Variants in TASP1 observed in about 807,000 individuals in gnomAD.
The protein encoded by TASP1 is taspase 1, also known as threonine aspartase 1.
In TASP1, 16 loss-of-function variants were observed where a neutral mutation model predicts 56.6. The observed-to-expected ratio is 0.28, with a 90% CI of 0.19 to 0.43. The LOEUF (loss-of-function observed/expected upper bound fraction) is 0.43. Among genes scored for constraint, TASP1 ranks in the 20% least tolerant of loss-of-function variants. The pLI is 1.00. For synonymous variants in TASP1, 179 were observed against 184.2 expected, an observed-to-expected ratio of 0.97 and a Z score of 0.23; for missense variants, 393 against 511.6, an observed-to-expected ratio of 0.77 and a Z score of 2.24.
chr20:13,304,035 C>A, the TASP1 span, among the ~76,000 whole-genome samples: 1 of 152,200 alleles, frequency 6.6e-6, no homozygotes, highest in Non-Finnish European at 1.5e-5. Context: ...GGCTCTGCCA[C>A]CATCAAGGTA....
At chr20:13,458,197 C>T (rs1014700937) in intron 11 of TASP1, among the ~76,000 whole-genome samples, 3 of 152,052 alleles carry the variant, frequency 2.0e-5, no homozygotes, top group Admixed American at 2.0e-4. Context: ...CAAAACCGCA[C>T]ACTTATTTTA....
At chr20:13,133,811 C>A in the TASP1 span, among the ~76,000 whole-genome samples, 1 of 152,280 alleles carries the variant, frequency 6.6e-6, no homozygotes, top group East Asian at 1.9e-4. Flanking sequence ...GACAGGAGAA[C>A]TGCCACCACT....
chr20:13,394,543 C>T lies in TASP1; in HGVS notation c.1171-4091G>A, dbSNP rs534141684. ...TGGAGAATGGTGTGAACCCTGGAGG[C>T]GGAGCTTGCAGTAAGCCAAGATCGC... On this transcript the variant is annotated intron_variant, in intron 13 of 13. Coordinates refer to ENST00000337743, the MANE Select transcript of TASP1 (RefSeq NM_017714.3). Among the ~76,000 whole-genome samples the T allele has an allele frequency of 1.9e-3, 283 of 151,764 alleles. 2 individuals are homozygous for T. Among genetic ancestry groups the T allele is most frequent in the Non-Finnish European group, 3.4e-3 (230 of 67,948 alleles).
At chr20:13,169,415 C>T in the TASP1 span, among the ~76,000 whole-genome samples, 3 of 151,900 alleles carry the variant, frequency 2.0e-5, no homozygotes, top group East Asian at 1.9e-4. Context: ...ACAATACAAA[C>T]GTAAGAGTAA....
chr20:13,121,247 A>C, the TASP1 span, among the ~76,000 whole-genome samples: 1 of 152,094 alleles, frequency 6.6e-6, no homozygotes, highest in Admixed American at 6.5e-5. Context: ...CTTGTAACTG[A>C]TAGGTTGCAG....
At chr20:13,316,300 A>G in the TASP1 span, among the ~76,000 whole-genome samples, 1 of 151,982 alleles carries the variant, frequency 6.6e-6, no homozygotes, top group Non-Finnish European at 1.5e-5. Context: ...ATTGATAATT[A>G]ATAACCTGTC....
At chr20:13,362,086 C>T in the TASP1 span, among the ~76,000 whole-genome samples, 1 of 150,286 alleles carries the variant, frequency 6.7e-6, no homozygotes, top group East Asian at 2.0e-4. Context: ...ATCTCTCCCA[C>T]TCTAGGTTCC....
At chr20:13,284,456 G>A in the TASP1 span, among the ~76,000 whole-genome samples, 1 of 152,162 alleles carries the variant, frequency 6.6e-6, no homozygotes, top group African/African-American at 2.4e-5. Context: ...TTTTCCTGCC[G>A]TTGTCATTAT....
At chr20:13,161,480 G>A in the TASP1 span, among the ~76,000 whole-genome samples, 64 of 152,244 alleles carry the variant, frequency 4.2e-4, 1 homozygote, top group East Asian at 0.012. Flanking sequence ...GAGTGAACAG[G>A]GCAGACTCCT....
the TASP1 span, among the ~76,000 whole-genome samples, chr20:13,323,347 C>A: frequency 6.6e-6 from 1 of 152,084 alleles, no homozygotes; most frequent in Non-Finnish European, 1.5e-5. Context: ...CGGAGCAAGG[C>A]AAGAAAGTTG....
At chr20:13,312,882 C>T in the TASP1 span, among the ~76,000 whole-genome samples, 1 of 152,114 alleles carries the variant, frequency 6.6e-6, no homozygotes, top group Non-Finnish European at 1.5e-5. Context: ...TTCTTCTTTT[C>T]CCCACTTTTT....
At chr20:13,105,717 C>T in the TASP1 span, among the ~76,000 whole-genome samples, 2 of 152,146 alleles carry the variant, frequency 1.3e-5, no homozygotes, top group Non-Finnish European at 2.9e-5. Flanking sequence ...GCCACATTTA[C>T]CATCTATCAT....
intron 5 of TASP1, among the ~76,000 whole-genome samples, chr20:13,581,202 C>T (rs903393722): frequency 6.6e-6 from 1 of 152,058 alleles, no homozygotes; most frequent in Non-Finnish European, 1.5e-5. Context: ...ATATAAAATA[C>T]ATATTCTCAT....
At chr20:13,588,936 A>G (rs562818733) in intron 4 of TASP1, among the ~76,000 whole-genome samples, 1 of 152,336 alleles carries the variant, frequency 6.6e-6, no homozygotes, top group South Asian at 2.1e-4. Flanking sequence ...ATAGACATAT[A>G]GCTAAGGATA....
At chr20:13,473,616 T>C (rs888831339) in intron 11 of TASP1, among the ~76,000 whole-genome samples, 2 of 152,212 alleles carry the variant, frequency 1.3e-5, no homozygotes, top group Non-Finnish European at 2.9e-5. Context: ...GACTATATTC[T>C]GTCTACCTCT....
At chr20:13,482,313 T>C (rs547906981) in intron 11 of TASP1, among the ~76,000 whole-genome samples, 1 of 152,294 alleles carries the variant, frequency 6.6e-6, no homozygotes, top group South Asian at 2.1e-4. Context: ...TTTTGGTTAC[T>C]ATAATATAAT....
At chr20:13,195,893 T>G in the TASP1 span, among the ~76,000 whole-genome samples, 525 of 152,320 alleles carry the variant, frequency 3.4e-3, 4 homozygotes, top group African/African-American at 0.012. Flanking sequence ...TTTATCATGC[T>G]GCCGGGCTAA....
chr20:13,155,185 C>CA, the TASP1 span, among the ~76,000 whole-genome samples: 1,136 of 134,060 alleles, frequency 8.5e-3, 14 homozygotes, highest in African/African-American at 0.027. Flanking sequence ...GAGACCCTGT[C>CA]AAAAAAAAAA....
chr20:13,128,925 G>A, the TASP1 span, among the ~76,000 whole-genome samples: 4 of 148,046 alleles, frequency 2.7e-5, no homozygotes, highest in Admixed American at 1.4e-4. Context: ...CACCCAAGCT[G>A]GAGTACAATG....
Sources: allele counts gnomAD v4.1 joint callset (sites outside exome capture counted in the v4.1 genomes callset), GRCh38; gene constraint gnomAD v4.1.1; transcripts MANE v1.5; gene names NCBI Gene and HGNC (gene_info 2026-07-23, HGNC 2026-07-21).